PTPRD: variants seen among roughly 807,000 people sequenced by gnomAD.
PTPRD encodes protein tyrosine phosphatase receptor type D.
In PTPRD, 34 loss-of-function variants were observed where a neutral mutation model predicts 214.5. The observed-to-expected ratio is 0.16, with a 90% CI of 0.12 to 0.21. The LOEUF (loss-of-function observed/expected upper bound fraction) is 0.21. Among genes scored for constraint, PTPRD ranks in the 10% least tolerant of loss-of-function variants. The pLI, the probability that PTPRD is intolerant of heterozygous loss-of-function variation, is 1.00. For synonymous variants in PTPRD, 1,128 were observed against 845.7 expected (o/e 1.33, Z -5.79); for missense variants, 2,545 against 2,398.7 (o/e 1.06, Z -1.27).
At chr9:10,367,106 T>A (rs1359091) in intron 2 of PTPRD, among the ~76,000 whole-genome samples, 1 of 150,764 alleles carries the variant, frequency 6.6e-6, no homozygotes, top group Non-Finnish European at 1.5e-5. Context: ...GACCTGTGCC[T>A]TATATATCCT....
rs114878037 is a variant in PTPRD at position 10,584,122 on chromosome 9, T to G, written c.-600+28276A>C. On this transcript the variant is annotated intron_variant, in intron 2 of 45. Coordinates refer to ENST00000381196, the MANE Select transcript of PTPRD (RefSeq NM_002839.4). Reference sequence around the variant, plus strand: ...CTTGTGTGTTGGCACTTGAAATCCTTACCCCTCTTCTTCTCTCTCCTATAT... The same window carrying G: ...CTTGTGTGTTGGCACTTGAAATCCTGACCCCTCTTCTTCTCTCTCCTATAT... 6.6e-5 allele frequency among the ~76,000 whole-genome samples: 10 copies of G among 151,778 alleles called. No individual in the cohort carries two copies. In the East Asian group the frequency reaches 1.9e-3, roughly 29 times the overall value.
chr9:9,050,067 G>T (rs983998457), intron 10 of PTPRD, among the ~76,000 whole-genome samples: 10 of 152,168 alleles, frequency 6.6e-5, no homozygotes, highest in African/African-American at 1.9e-4. Context: ...TATCATCTAT[G>T]TGTGCTTGTG....
intron 9 of PTPRD, among the ~76,000 whole-genome samples, chr9:9,288,412 T>C (rs139044957): frequency 6.6e-6 from 1 of 152,038 alleles, no homozygotes; most frequent in East Asian, 2.0e-4. Context: ...ACTTATCCTT[T>C]ACAACTACCA....
At chr9:8,985,555 G>C (rs557304015) in intron 11 of PTPRD, among the ~76,000 whole-genome samples, 2 of 151,636 alleles carry the variant, frequency 1.3e-5, no homozygotes, top group African/African-American at 2.4e-5. Flanking sequence ...CAGTATGGTT[G>C]AGCAATTTGC....
At chr9:8,749,392 T>A (rs1345689690) in intron 11 of PTPRD, among the ~76,000 whole-genome samples, 1 of 152,202 alleles carries the variant, frequency 6.6e-6, no homozygotes, top group Non-Finnish European at 1.5e-5. Context: ...TTCACCACAT[T>A]GGCCAGGCTG....
intron 11 of PTPRD, among the ~76,000 whole-genome samples, chr9:8,775,190 G>A (rs2095420648): frequency 6.6e-6 from 1 of 152,148 alleles, no homozygotes; most frequent in African/African-American, 2.4e-5. Context: ...AGAGCAAACA[G>A]CAGAAGGTGA....
chr9:9,030,503 A>G (rs2099601779), intron 10 of PTPRD, among the ~76,000 whole-genome samples: 1 of 151,242 alleles, frequency 6.6e-6, no homozygotes, highest in South Asian at 2.1e-4. Flanking sequence ...ATGTTTTTGT[A>G]CTCCATCTGG....
intron 10 of PTPRD, among the ~76,000 whole-genome samples, chr9:9,092,964 T>A (rs2099778387): frequency 6.6e-6 from 1 of 151,966 alleles, no homozygotes; most frequent in South Asian, 2.1e-4. Flanking sequence ...TACATGGACA[T>A]AGCTAGGTTC....
At chr9:10,160,824 C>T (rs954081849) in intron 3 of PTPRD, among the ~76,000 whole-genome samples, 1 of 151,784 alleles carries the variant, frequency 6.6e-6, no homozygotes, top group Non-Finnish European at 1.5e-5. Flanking sequence ...CCTAGAAAAA[C>T]CTGAAGACAA....
At chr9:9,089,056 G>T (rs1334730478) in intron 10 of PTPRD, among the ~76,000 whole-genome samples, 1 of 152,044 alleles carries the variant, frequency 6.6e-6, no homozygotes, top group Non-Finnish European at 1.5e-5. Context: ...TAAAAAGAAG[G>T]TCTTTCTCAA....
chr9:8,829,971 C>A (rs1197843008), intron 11 of PTPRD, among the ~76,000 whole-genome samples: 2 of 152,058 alleles, frequency 1.3e-5, no homozygotes, highest in African/African-American at 2.4e-5. Flanking sequence ...AGACAACAGA[C>A]CTTTCAGAAA....
intron 5 of PTPRD, among the ~76,000 whole-genome samples, chr9:9,784,765 G>C (rs952624262): frequency 3.6e-5 from 5 of 140,598 alleles, no homozygotes; most frequent in African/African-American, 1.2e-4. Flanking sequence ...AAAATTTTAT[G>C]TGTGTGTGTA....
chr9:10,264,572 C>T (rs564112697), intron 3 of PTPRD, among the ~76,000 whole-genome samples: 39 of 152,264 alleles, frequency 2.6e-4, no homozygotes, highest in Non-Finnish European at 4.7e-4. Context: ...TTACCCAATG[C>T]CTGTACCCCC....
chr9:10,436,490 T>G (rs575429229), intron 2 of PTPRD, among the ~76,000 whole-genome samples: 169 of 151,746 alleles, frequency 1.1e-3, no homozygotes, highest in Non-Finnish European at 1.3e-3. Flanking sequence ...AGAAATAGAA[T>G]AAATCATAAT....
At chr9:10,346,734 T>C (rs1046200381) in intron 2 of PTPRD, among the ~76,000 whole-genome samples, 3 of 152,150 alleles carry the variant, frequency 2.0e-5, no homozygotes, top group Admixed American at 6.5e-5. Context: ...ATATCTTGTT[T>C]TCCTGTACTT....
At chr9:10,582,348 T>C (rs1185730582) in intron 2 of PTPRD, among the ~76,000 whole-genome samples, 3 of 152,174 alleles carry the variant, frequency 2.0e-5, no homozygotes. Flanking sequence ...TTGGTATTCT[T>C]TCCTACTCCC....
At chr9:9,970,070 G>C (rs958905225) in intron 4 of PTPRD, among the ~76,000 whole-genome samples, 1 of 152,122 alleles carries the variant, frequency 6.6e-6, no homozygotes, top group African/African-American at 2.4e-5. Flanking sequence ...GTGAAAAGGA[G>C]ACCGTTTGTA....
chr9:8,484,047 A>G lies in PTPRD; in HGVS notation c.3413+72T>C, dbSNP rs73640920. ...AGCAGTATCTTCTTTTACGACCTCTATAATTTTGAGATATAATGTTCCTAT... is the reference window on the plus strand; with the variant it reads ...AGCAGTATCTTCTTTTACGACCTCTGTAATTTTGAGATATAATGTTCCTAT... On this transcript the variant is annotated intron_variant, in intron 30 of 45. Transcript: ENST00000381196. The G allele has an allele frequency of 7.6e-3, 11,661 of 1,532,344 alleles. 753 individuals carry two copies. In the African/African-American group the frequency reaches 0.14, roughly 18 times the overall value. The allele number at this position is 1,532,344 out of a possible 1,614,324, so 94.9% of individuals were successfully genotyped here. A position where few individuals can be genotyped will look rare whatever the true frequency, so the allele number is the denominator to read the frequency against.
intron 5 of PTPRD, among the ~76,000 whole-genome samples, chr9:9,855,520 T>G (rs1021649787): frequency 6.6e-6 from 1 of 152,170 alleles, no homozygotes. Context: ...AGCAGGATAT[T>G]TTCCTGATCC....
Sources: allele counts gnomAD v4.1 joint callset (sites outside exome capture counted in the v4.1 genomes callset), GRCh38; gene constraint gnomAD v4.1.1; transcripts MANE v1.5; gene names NCBI Gene and HGNC (gene_info 2026-07-23, HGNC 2026-07-21).